SCAMP5: variants seen among roughly 807,000 people sequenced by gnomAD.
The protein encoded by SCAMP5 is secretory carrier-associated membrane protein 5.
A neutral mutation model predicts 28.3 loss-of-function variants in SCAMP5; 7 were observed. The ratio of observed to expected loss-of-function variants is 0.25; its 90% CI spans 0.14 to 0.46. The LOEUF (loss-of-function observed/expected upper bound fraction) is 0.46, where lower values mean the gene tolerates loss of function less well. Ranked by LOEUF, SCAMP5 falls within the 20% of genes least tolerant of loss-of-function variation. The pLI, the probability that SCAMP5 is intolerant of heterozygous loss-of-function variation, is 0.99. For synonymous variants in SCAMP5, 117 were observed against 116.4 expected, an observed-to-expected ratio of 1.00 and a Z score of -0.03; for missense variants, 192 against 312.5, an observed-to-expected ratio of 0.61 and a Z score of 2.91.
intron 1 of SCAMP5, among the ~76,000 whole-genome samples, chr15:74,997,989 G>T (rs575087560): frequency 3.9e-5 from 6 of 152,290 alleles, no homozygotes; most frequent in Non-Finnish European, 7.4e-5. Context: ...TTCTGTGCCA[G>T]GGATGAGGGG....
Position 75,019,734 on chromosome 15 carries a change from G to C in SCAMP5, c.*751G>C, listed in dbSNP as rs1373431509. Reference sequence around the variant, plus strand: ...ATCCCCAAATCTAATCTGATTTACAGTTCAAGGAAGCTGATGGGGAGCTGG... The same window carrying C: ...ATCCCCAAATCTAATCTGATTTACACTTCAAGGAAGCTGATGGGGAGCTGG... On this transcript the variant is annotated 3_prime_UTR_variant, in exon 7 of 7. Transcript: ENST00000425597. The C allele has an allele frequency of 2.0e-5, 3 of 152,640 alleles. No homozygotes were observed. Among genetic ancestry groups the C allele is most frequent in the Non-Finnish European group, 4.4e-5 (3 of 68,040 alleles). The allele number at this position is 152,640 out of a possible 1,614,324, so 9.5% of individuals were successfully genotyped here.
chr15:75,004,976 A>G (rs993375886), intron 1 of SCAMP5, among the ~76,000 whole-genome samples: 1 of 152,128 alleles, frequency 6.6e-6, no homozygotes, highest in African/African-American at 2.4e-5. Flanking sequence ...AGAGATGGAG[A>G]CCATCCTGCC....
At chr15:75,016,264 G>C (rs994625981) in intron 3 of SCAMP5, among the ~76,000 whole-genome samples, 1 of 152,120 alleles carries the variant, frequency 6.6e-6, no homozygotes, top group African/African-American at 2.4e-5. Flanking sequence ...GTGCTCTCCA[G>C]ATTTCTCAGG....
rs566853914 is a variant in SCAMP5 at position 74,996,973 on chromosome 15, C to G, written c.-49+1300C>G. 6.6e-6 allele frequency among the ~76,000 whole-genome samples: 1 copy of G among 152,144 alleles called. No individual in the cohort carries two copies. Among genetic ancestry groups the G allele is most frequent in the South Asian group, 2.1e-4 (1 of 4,824 alleles). On this transcript the variant is annotated intron_variant, in intron 1 of 6. Transcript: ENST00000425597. The surrounding 1 kb of genome is among the most constrained non-coding windows in gnomAD (Gnocchi z 4.1). ...CCAGGAGGGGAGTTCTAGAGAGAGA[C>G]CTTGGGCTCTGTGGCTGTTTCTTTA...
chr15:75,016,860 C>A, intron 4 of SCAMP5, 111 bp downstream of exon 4: 1 of 1,027,670 alleles, frequency 9.7e-7, no homozygotes, highest in East Asian at 2.6e-5. Flanking sequence ...CCCCCAAACT[C>A]ACTTTCCCTT....
chr15:75,006,404 G>A (rs578141105), intron 1 of SCAMP5, among the ~76,000 whole-genome samples: 62 of 152,196 alleles, frequency 4.1e-4, no homozygotes, highest in African/African-American at 1.5e-3. Context: ...TGTAATCCCA[G>A]CACTTTGGGA....
chr15:75,001,906 AC>A (rs914104858), intron 1 of SCAMP5, among the ~76,000 whole-genome samples: 1 of 148,446 alleles, frequency 6.7e-6, no homozygotes, highest in Admixed American at 6.8e-5. Context: ...AAAGAGACTA[AC>A]CTGGGCAACA....
chr15:75,001,621 A>G (rs1020202664), intron 1 of SCAMP5, among the ~76,000 whole-genome samples: 2 of 152,192 alleles, frequency 1.3e-5, no homozygotes, highest in South Asian at 4.1e-4. Context: ...CTGTAATCCC[A>G]GCACTTTGGG....
intron 1 of SCAMP5, among the ~76,000 whole-genome samples, chr15:75,004,151 G>T (rs146116893): frequency 6.6e-6 from 1 of 151,900 alleles, no homozygotes; most frequent in Non-Finnish European, 1.5e-5. Context: ...TGATCCGCCC[G>T]CCTCGGTCTC....
In SCAMP5 at chr15:75,019,195, C is replaced by T. The variant is rs956987356; in HGVS notation, c.*212C>T. 15 of 379,820 alleles carry T rather than the reference C, an allele frequency of 3.9e-5. No individual in the cohort carries two copies. In the Admixed American group the frequency reaches 5.0e-4, roughly 13 times the overall value. 23.5% of individuals were successfully genotyped at this position (379,820 alleles called of 1,614,324 possible). A position where few individuals can be genotyped will look rare whatever the true frequency, so the allele number is the denominator to read the frequency against. On this transcript the variant is annotated 3_prime_UTR_variant, in exon 7 of 7. Coordinates refer to ENST00000425597, the MANE Select transcript of SCAMP5 (RefSeq NM_138967.4). Reference sequence around the variant, plus strand: ...TCTGCTCTTGGCACTCAGCTGTGGGCTGCACGTGGAGCTGTCCCGTGCGGT... The same window carrying T: ...TCTGCTCTTGGCACTCAGCTGTGGGTTGCACGTGGAGCTGTCCCGTGCGGT...
intron 1 of SCAMP5, among the ~76,000 whole-genome samples, chr15:75,010,637 C>A (rs1048799393): frequency 6.6e-6 from 1 of 152,158 alleles, no homozygotes; most frequent in Non-Finnish European, 1.5e-5. Flanking sequence ...CACAGCAAGA[C>A]CTCCTCTCTA....
chr15:75,012,575 C>G (rs1595887046), intron 2 of SCAMP5, 102 bp from the exon 3 acceptor site: 1 of 1,407,592 alleles, frequency 7.1e-7, no homozygotes, highest in Admixed American at 1.8e-5. Context: ...TGGCCGGTGG[C>G]CACAGGGGCC....
chr15:75,017,761 A>C (rs2141456717), intron 4 of SCAMP5, 109 bp from the exon 5 acceptor site: 1 of 774,228 alleles, frequency 1.3e-6, no homozygotes, highest in East Asian at 2.4e-5. Flanking sequence ...AAGGCCTTTA[A>C]ATGTCTTCTG....
At chr15:75,015,297 G>T (rs1409674605) in intron 3 of SCAMP5, among the ~76,000 whole-genome samples, 1 of 152,168 alleles carries the variant, frequency 6.6e-6, no homozygotes, top group African/African-American at 2.4e-5. Flanking sequence ...TGTTTTCAAG[G>T]AAGGGAGTGC....
intron 1 of SCAMP5, among the ~76,000 whole-genome samples, chr15:75,000,850 G>A (rs2065699381): frequency 6.6e-6 from 1 of 152,012 alleles, no homozygotes; most frequent in Admixed American, 6.6e-5. Flanking sequence ...TTCACTTTGA[G>A]ATTCATCCTT....
At chr15:75,013,043 TTCCC>T in intron 3 of SCAMP5, 1 of 540,242 alleles carries the variant, frequency 1.9e-6, no homozygotes, top group Non-Finnish European at 3.3e-6. Flanking sequence ...CTTCCCTTCC[TTCCC>T]CTCCACCCTC....
At chr15:75,003,967 T>C (rs895195419) in intron 1 of SCAMP5, among the ~76,000 whole-genome samples, 2 of 152,054 alleles carry the variant, frequency 1.3e-5, no homozygotes, top group African/African-American at 4.8e-5. Flanking sequence ...AGCAATGGCG[T>C]GATCTCCGCT....
At chr15:75,015,375 G>A (rs1255441638) in intron 3 of SCAMP5, among the ~76,000 whole-genome samples, 1 of 151,218 alleles carries the variant, frequency 6.6e-6, no homozygotes, top group Non-Finnish European at 1.5e-5. Context: ...ACTTTTATCT[G>A]TAAATCTTTG....
chr15:75,004,024 C>T (rs1157773602), intron 1 of SCAMP5, among the ~76,000 whole-genome samples: 4 of 152,070 alleles, frequency 2.6e-5, no homozygotes, highest in Non-Finnish European at 5.9e-5. Flanking sequence ...CCTGCGTCAG[C>T]CTCCTGAGTA....
Sources: allele counts gnomAD v4.1 joint callset (sites outside exome capture counted in the v4.1 genomes callset), GRCh38; gene constraint gnomAD v4.1.1; non-coding constraint Gnocchi (gnomAD v3.1); transcripts MANE v1.5; gene names NCBI Gene and HGNC (gene_info 2026-07-23, HGNC 2026-07-21).